SPEG: variants seen among roughly 807,000 people sequenced by gnomAD.
SPEG encodes the protein striated muscle enriched protein kinase.
Under a neutral mutation model 300.4 loss-of-function variants are expected in SPEG, and 114 were observed. The observed-to-expected ratio is 0.38, with a 90% CI of 0.33 to 0.44. The LOEUF (loss-of-function observed/expected upper bound fraction) is 0.44, where lower values mean the gene tolerates loss of function less well. SPEG is among the 20% of genes least tolerant of loss of function. SPEG has a pLI of 1.00. For missense variants in SPEG, 4,201 were observed against 4,586.2 expected, an observed-to-expected ratio of 0.92 and a Z score of 2.43; for synonymous variants, 1,964 against 2,018.9, an observed-to-expected ratio of 0.97 and a Z score of 0.73.
chr2:219,488,455 G>C (rs1693646843), intron 32 of SPEG, 43 bp from the exon 33 acceptor site: 2 of 1,541,728 alleles, frequency 1.3e-6, no homozygotes, highest in Non-Finnish European at 1.8e-6. Flanking sequence ...CTGGACATGT[G>C]CTGCCTCACT....
chr2:219,491,504 T>C (rs1346964043), intron 38 of SPEG, among the ~76,000 whole-genome samples: 2 of 152,174 alleles, frequency 1.3e-5, no homozygotes, highest in South Asian at 2.1e-4. Flanking sequence ...ATGGGAGCCA[T>C]ACCTTGGAGC....
rs1236411974 is a variant in SPEG at position 219,464,296 on chromosome 2, C to A, written c.2706-137C>A. 1.0e-6 allele frequency: 1 copy of A among 959,670 alleles called. No homozygotes were observed. Among genetic ancestry groups the A allele is most frequent in the Non-Finnish European group, 1.5e-6 (1 of 651,512 alleles). The allele number at this position is 959,670 out of a possible 1,614,324, so 59.4% of individuals were successfully genotyped here. On this transcript the variant is annotated intron_variant, in intron 8 of 40. Transcript: ENST00000312358. This position sits in a 1 kb window ranked among gnomAD's most constrained non-coding sequence, Gnocchi z 4.5. The stretch of plus-strand genomic sequence containing the variant: ...CCTAGCCCTGGAAACCAGGGATGCC[C>A]ACGGTCAGTGGGACAGATCTGGGGA...
In SPEG at chr2:219,448,783, C is replaced by A. The variant is rs927960851; in HGVS notation, c.1625C>A (p.Pro542His). 7.0e-6 allele frequency: 10 copies of A among 1,421,434 alleles called. No homozygotes were observed. Among genetic ancestry groups the A allele is most frequent in the African/African-American group, 1.5e-5 (1 of 66,664 alleles). 88.1% of individuals were successfully genotyped at this position (1,421,434 alleles called of 1,614,324 possible). The change falls in exon 4 of 41, where the codon CCC becomes CAC. Residue 542 changes from proline to histidine, a missense_variant. By Grantham distance (77) the Pro-to-His change is moderately conservative. Around this residue, in one of 4 missense-constraint regions of SPEG, gnomAD observed 1,258 missense variants for 1,293.9 expected, o/e 0.97. Transcript: ENST00000312358. ...EPPLFSRPST[P>H]KTSRAVSPAA... ...CCGCTCTTCTCTCGGCCCTCCACCC[C>A]CAAGACATCGCGGGCCGTGAGCCCC...
rs183627512 is a variant in SPEG, at chr2:219,447,831, G to T, written c.816-143G>T. The stretch of plus-strand genomic sequence containing the variant: ...CTCTGGCTGTGCGCTCCTCGTGGGG[G>T]TGGGGGTGGGGGGCAGGAGGATCTG... On this transcript the variant is annotated intron_variant, in intron 3 of 40. Coordinates refer to ENST00000312358, the MANE Select transcript of SPEG (RefSeq NM_005876.5). The T allele has an allele frequency of 1.1e-4, 82 of 744,390 alleles. 1 individual carries two copies. The highest frequency in any genetic ancestry group is 6.4e-4 in the Admixed American group (23 of 36,132). 46.1% of individuals were successfully genotyped at this position (744,390 alleles called of 1,614,324 possible).
Position 219,468,707 on chromosome 2 carries a change from C to T in SPEG, c.3272C>T (p.Pro1091Leu), listed in dbSNP as rs1383792209. ...TTCGACTGCAAGATCAGTGGCACCC[C>T]GCCCCCTGTTGTTACCTGGACTCAT... is the stretch of plus-strand genomic sequence containing the variant. Reference protein sequence around the residue: ...ARFDCKISGTPPPVVTWTHFG... With the variant: ...ARFDCKISGTLPPVVTWTHFG... The change falls in exon 11 of 41, where the codon CCG becomes CTG. Residue 1091 changes from proline (P) to leucine (L), a missense_variant. Pro to Leu is a moderately conservative substitution (Grantham distance 98). Around this residue, in one of 4 missense-constraint regions of SPEG, gnomAD observed 1,047 missense variants for 1,356.8 expected, o/e 0.77. Coordinates refer to ENST00000312358, the MANE Select transcript of SPEG (RefSeq NM_005876.5). 1 of 1,614,112 alleles carries T rather than the reference C, an allele frequency of 6.2e-7. No individual in the cohort carries two copies. Among genetic ancestry groups the T allele is most frequent in the Non-Finnish European group, 8.5e-7 (1 of 1,179,994 alleles).
Position 219,488,190 on chromosome 2 carries a change from C to T in SPEG, c.7742-4C>T, listed in dbSNP as rs779863746. 2.2e-5 allele frequency: 35 copies of T among 1,608,032 alleles called. No individual in the cohort carries two copies. The highest frequency in any genetic ancestry group is 7.7e-5 in the South Asian group (7 of 90,650). ...ATAGATGGCTGTCTCTGCTTTTCCT[C>T]CAGACTTCCCCCCAGTCTTCCACAT... On this transcript the variant is annotated splice_polypyrimidine_tract_variant and splice_region_variant and intron_variant, in intron 31 of 40. Transcript: ENST00000312358.
In SPEG at chr2:219,477,181, G is replaced by T; in HGVS notation, c.4561-96G>T. ...AAGGGAGGAGCTGACTCTGGGTCCT[G>T]GTGAGAGATGCGCTGCCCAGAGTAG... is the stretch of plus-strand genomic sequence containing the variant. On this transcript the variant is annotated intron_variant, in intron 19 of 40. Transcript: ENST00000312358. The surrounding 1 kb of genome is among the most constrained non-coding windows in gnomAD (Gnocchi z 6.4). The T allele has an allele frequency of 7.3e-7, 1 of 1,370,568 alleles. No homozygotes were observed. The allele number at this position is 1,370,568 out of a possible 1,614,324, so 84.9% of individuals were successfully genotyped here.
At position 219,443,148 on chromosome 2, in the gene SPEG, A is replaced by G; in HGVS notation, c.389-1505A>G. 6.2e-7 allele frequency: 1 copy of G among 1,612,614 alleles called. No homozygotes were observed. Among genetic ancestry groups the G allele is most frequent in the Non-Finnish European group, 8.5e-7 (1 of 1,179,794 alleles). The stretch of plus-strand genomic sequence containing the variant: ...CGCCGGGCCTTTGGCCGACTCACCC[A>G]TGGTGCGTGGACCGTGGGCGTCCTT... On this transcript the variant is annotated intron_variant, in intron 1 of 40. Coordinates refer to ENST00000312358, the MANE Select transcript of SPEG (RefSeq NM_005876.5). This position sits in a 1 kb window ranked among gnomAD's most constrained non-coding sequence, Gnocchi z 4.6.
Position 219,483,497 on chromosome 2 carries a change from A to G in SPEG, c.6034A>G (p.Arg2012Gly). The G allele has an allele frequency of 7.0e-7, 1 of 1,432,450 alleles. No homozygotes were observed. Among genetic ancestry groups the G allele is most frequent in the African/African-American group, 1.5e-5 (1 of 67,586 alleles). 88.7% of individuals were successfully genotyped at this position (1,432,450 alleles called of 1,614,324 possible). A position where few individuals can be genotyped will look rare whatever the true frequency, so the allele number is the denominator to read the frequency against. The change falls in exon 30 of 41, where the codon AGG (arginine) becomes GGG (glycine). Residue 2012 changes from arginine to glycine, a missense_variant. Arg to Gly is a moderately radical substitution (Grantham distance 125). Coordinates refer to ENST00000312358, the MANE Select transcript of SPEG (RefSeq NM_005876.5). ...GASPRRGELR[R>G]GSSAESALPR... ...TAGCCCCAGGCGGGGAGAGCTCCGC[A>G]GGGGCAGCTCGGCTGAGAGCGCCCT...
intron 31 of SPEG, among the ~76,000 whole-genome samples, chr2:219,486,336 C>T (rs947973736): frequency 2.0e-5 from 3 of 152,226 alleles, no homozygotes; most frequent in Admixed American, 1.3e-4. Flanking sequence ...TGAAGCCAGG[C>T]TGTGTGCAGG....
Position 219,480,087 on chromosome 2 carries a change from T to C in SPEG, c.5289T>C (p.Phe1763=), listed in dbSNP as rs377721845. The C allele has an allele frequency of 1.2e-3, 1,900 of 1,613,818 alleles. 2 individuals carry two copies. Among genetic ancestry groups the C allele is most frequent in the Non-Finnish European group, 1.5e-3 (1,829 of 1,180,010 alleles). Residue 1763 remains phenylalanine (F), a synonymous_variant, in exon 25 of 41, where the codon TTT becomes TTC. Coordinates refer to ENST00000312358, the MANE Select transcript of SPEG (RefSeq NM_005876.5). The surrounding 1 kb of genome is among the most constrained non-coding windows in gnomAD (Gnocchi z 5.3). ...ACTGCCAGTATGGCACACCTGAGTT[T>C]GTAGCACCCGAGATTGTCAATCAGA... The part of the protein sequence containing the change: ...PQYCQYGTPE[F]VAPEIVNQSP...
chr2:219,462,241 C>T lies in SPEG; in HGVS notation c.2617-57C>T, dbSNP rs564333923. 360 of 1,448,742 alleles carry T rather than the reference C, an allele frequency of 2.5e-4. 3 individuals carry two copies. In the South Asian group the frequency reaches 4.0e-3, roughly 16 times the overall value. The allele number at this position is 1,448,742 out of a possible 1,614,324, so 89.7% of individuals were successfully genotyped here. A position where few individuals can be genotyped will look rare whatever the true frequency, so the allele number is the denominator to read the frequency against. On this transcript the variant is annotated intron_variant, in intron 7 of 40. Coordinates refer to ENST00000312358, the MANE Select transcript of SPEG (RefSeq NM_005876.5). ...GTCCTCCGTCTCAGATTCCACAGCC[C>T]CCAGGACCCAAGGCTCTGCCCTGTC...
In SPEG at chr2:219,468,839, C is replaced by T; in HGVS notation, c.3302-20C>T. 1 of 1,608,964 alleles carries T rather than the reference C, an allele frequency of 6.2e-7. No homozygotes were observed. The highest frequency in any genetic ancestry group is 8.5e-7 in the Non-Finnish European group (1 of 1,176,892). On this transcript the variant is annotated intron_variant, in intron 11 of 40. Coordinates refer to ENST00000312358, the MANE Select transcript of SPEG (RefSeq NM_005876.5). ...CCCCTCACTGTGCCTGCTCTGCATT[C>T]CCACCCCTCCTTTCTGCAGGCTGCC...
Position 219,479,060 on chromosome 2 carries a change from C to T in SPEG, c.5028-84C>T, listed in dbSNP as rs1427141501. The T allele has an allele frequency of 1.1e-5, 13 of 1,222,038 alleles. 1 individual carries two copies. The highest frequency in any genetic ancestry group is 5.2e-5 in the Admixed American group (3 of 57,932). 75.7% of individuals were successfully genotyped at this position (1,222,038 alleles called of 1,614,324 possible). A position where few individuals can be genotyped will look rare whatever the true frequency, so the allele number is the denominator to read the frequency against. Reference sequence around the variant, plus strand: ...CATTCTGTAAGGGGAAGGAGAACCCCGTGCTGAGCTGGGACCTGCCCTGAG... The same window carrying T: ...CATTCTGTAAGGGGAAGGAGAACCCTGTGCTGAGCTGGGACCTGCCCTGAG... On this transcript the variant is annotated intron_variant, in intron 22 of 40. Coordinates refer to ENST00000312358, the MANE Select transcript of SPEG (RefSeq NM_005876.5). This position sits in a 1 kb window ranked among gnomAD's most constrained non-coding sequence, Gnocchi z 5.5.
rs1228342702 is a variant in SPEG, at chr2:219,448,697, G to T, written c.1539G>T (p.Ser513=). 6.7e-7 allele frequency: 1 copy of T among 1,493,050 alleles called. No homozygotes were observed. The highest frequency in any genetic ancestry group is 1.5e-5 in the African/African-American group (1 of 68,558). The allele number at this position is 1,493,050 out of a possible 1,614,324, so 92.5% of individuals were successfully genotyped here. Residue 513 remains serine, a synonymous_variant, in exon 4 of 41, where the codon TCG becomes TCT. Transcript: ENST00000312358. ...CGTCGCGGGAGGAGCTGGTGCGCTC[G>T]CACGAGTCCCTGCGCGCCACGCTGC... ...RSTSREELVR[S]HESLRATLQR...
At chr2:219,485,117 G>A (rs1210397667) in intron 30 of SPEG, 45 bp downstream of exon 30, 4 of 1,522,948 alleles carry the variant, frequency 2.6e-6, no homozygotes, top group Non-Finnish European at 8.8e-7. Context: ...AGGAGGGTGG[G>A]GTGCGCTGGA....
chr2:219,448,394 C>A lies in SPEG; in HGVS notation c.1236C>A (p.Arg412=). Residue 412 remains arginine (R), a synonymous_variant, in exon 4 of 41, where the codon CGC becomes CGA. Coordinates refer to ENST00000312358, the MANE Select transcript of SPEG (RefSeq NM_005876.5). ...TGCAGTTCTTCGAGGAGCGACGGCG[C>A]AGCCTGGAGCGCAGCGACTCGCCGC... The part of the protein sequence containing the change: ...DKLQFFEERR[R]SLERSDSPPA... 6.5e-7 allele frequency: 1 copy of A among 1,540,836 alleles called. No homozygotes were observed. Among genetic ancestry groups the A allele is most frequent in the Non-Finnish European group, 8.7e-7 (1 of 1,147,344 alleles).
chr2:219,460,867 G>A, intron 6 of SPEG: 5 of 986,268 alleles, frequency 5.1e-6, no homozygotes, highest in Non-Finnish European at 6.0e-6. Context: ...TGGGCAGGCT[G>A]GACAGGCTGG....
At position 219,477,389 on chromosome 2, in the gene SPEG, C is replaced by A. The variant is rs1223081979; in HGVS notation, c.4673C>A (p.Thr1558Asn). 2 of 1,609,412 alleles carry A rather than the reference C, an allele frequency of 1.2e-6. No homozygotes were observed. Among genetic ancestry groups the A allele is most frequent in the South Asian group, 2.2e-5 (2 of 90,162 alleles). ...GAQDGGVYTC[T>N]AQNLAGEVSC... is the part of the protein sequence containing the mutation. The stretch of plus-strand genomic sequence containing the variant: ...CAGGATGGAGGCGTCTACACCTGCA[C>A]CGCCCAGAACCTGGCGGGTGAGGTC... Residue 1558 changes from threonine to asparagine, a missense_variant, in exon 20 of 41, where the codon ACC becomes AAC. Thr to Asn is a moderately conservative substitution (Grantham distance 65). Around this residue, in one of 4 missense-constraint regions of SPEG, gnomAD observed 1,047 missense variants for 1,356.8 expected, o/e 0.77. Coordinates refer to ENST00000312358, the MANE Select transcript of SPEG (RefSeq NM_005876.5). This position sits in a 1 kb window ranked among gnomAD's most constrained non-coding sequence, Gnocchi z 6.4.
Sources: gnomAD v4.1 joint callset for allele counts (sites outside exome capture counted in the v4.1 genomes callset) on GRCh38, gnomAD v4.1.1 for gene constraint, gnomAD v4.1.1 regional missense constraint, Gnocchi (gnomAD v3.1) non-coding constraint, MANE v1.5 for transcripts, NCBI Gene and HGNC (gene_info 2026-07-23, HGNC 2026-07-21) for gene names.